The following CD96 variants were observed in gnomAD, a reference collection of about 807,000 sequenced individuals.
CD96 encodes the protein CD96 molecule, also known as T-cell surface protein tactile.
A neutral mutation model predicts 71.3 loss-of-function variants in CD96; 70 were observed. The observed-to-expected ratio is 0.98, with a 90% CI of 0.81 to 1.20. The LOEUF (loss-of-function observed/expected upper bound fraction) is 1.20, where lower values mean the gene tolerates loss of function less well. Among genes scored for constraint, CD96 ranks in the 50% most tolerant of loss-of-function variants. The pLI is 0.00. For synonymous variants in CD96, 248 were observed against 233.0 expected (o/e 1.06, Z -0.59); for missense variants, 742 against 677.5 (o/e 1.10, Z -1.06).
intron 2 of CD96, among the ~76,000 whole-genome samples, chr3:111,556,342 T>C (rs1443348563): frequency 7.5e-6 from 1 of 133,262 alleles, no homozygotes. Context: ...CTCCCAATGC[T>C]ATCCCTCCCC....
chr3:111,558,256 G>C (rs201232959), intron 2 of CD96, among the ~76,000 whole-genome samples: 2 of 83,464 alleles, frequency 2.4e-5, no homozygotes, highest in East Asian at 7.4e-4. Context: ...GAATAGGAGT[G>C]GTGAGAGAGG....
chr3:111,551,354 T>G (rs751603598), intron 2 of CD96, among the ~76,000 whole-genome samples: 6 of 152,134 alleles, frequency 3.9e-5, no homozygotes, highest in Non-Finnish European at 7.4e-5. Flanking sequence ...TGAAAGCACC[T>G]AGGTTATGTC....
intron 2 of CD96, among the ~76,000 whole-genome samples, chr3:111,555,455 A>T (rs1273274627): frequency 6.6e-6 from 1 of 152,302 alleles, no homozygotes; most frequent in African/African-American, 2.4e-5. Context: ...TTTAATTTTA[A>T]AGGATAATTT....
Position 111,579,117 on chromosome 3 carries a change from G to A in CD96, c.634G>A (p.Asp212Asn), listed in dbSNP as rs1936351527. 2 of 1,596,564 alleles carry A rather than the reference G, an allele frequency of 1.3e-6. No homozygotes were observed. The highest frequency in any genetic ancestry group is 1.7e-6 in the Non-Finnish European group (2 of 1,164,006). ...TAAAGATAGAGTCAAGCTTGGTACA[G>A]ACTACAGACTCCACCTCTCTCCAGT... ...LLKDRVKLGT[D>N]YRLHLSPVQI... is the part of the protein sequence containing the mutation. The change falls in exon 4 of 14, where the codon GAC becomes AAC. Residue 212 changes from aspartate to asparagine, a missense_variant. By Grantham distance (23) the Asp-to-Asn change is conservative. Coordinates refer to ENST00000352690, the MANE Select transcript of CD96 (RefSeq NM_005816.5).
In CD96 at chr3:111,658,306, C is replaced by T. The variant is rs146070708; in HGVS notation, c.*53-7221C>T. On this transcript the variant is annotated intron_variant and NMD_transcript_variant, in intron 14 of 14. Transcript: ENST00000494798. ...TGAGAAAAGCAGGAATTCATGAGTCCTTACCAGTAGTAAGTGATAGCTATA... is the reference window on the plus strand; with the variant it reads ...TGAGAAAAGCAGGAATTCATGAGTCTTTACCAGTAGTAAGTGATAGCTATA... 2.1e-3 allele frequency among the ~76,000 whole-genome samples: 313 copies of T among 152,128 alleles called. 2 individuals carry two copies. The highest frequency in any genetic ancestry group is 7.2e-3 in the African/African-American group (300 of 41,510).
At position 111,640,060 on chromosome 3, in the gene CD96, C is replaced by A. The variant is rs192433418; in HGVS notation, c.1477+1892C>A. 1.4e-3 allele frequency among the ~76,000 whole-genome samples: 211 copies of A among 152,272 alleles called. 1 individual carries two copies. The highest frequency in any genetic ancestry group is 4.8e-3 in the African/African-American group (199 of 41,556). On this transcript the variant is annotated intron_variant, in intron 12 of 13. Coordinates refer to ENST00000352690, the MANE Select transcript of CD96 (RefSeq NM_005816.5). ...CAGAAAACCAACCCTGGTAATATGA[C>A]AAAACAAGGCTCTTCAACACCCCCC...
chr3:111,662,940 A>C (rs1412994680), intron 14 of CD96, among the ~76,000 whole-genome samples: 1 of 152,218 alleles, frequency 6.6e-6, no homozygotes, highest in Non-Finnish European at 1.5e-5. Context: ...CTCTGGCACC[A>C]ATTTTCTGTA....
At chr3:111,604,953 C>A (rs1162938355) in intron 7 of CD96, among the ~76,000 whole-genome samples, 1 of 152,146 alleles carries the variant, frequency 6.6e-6, no homozygotes. Context: ...AGTTTGCCAA[C>A]CTCTATTTTA....
At chr3:111,550,533 G>A (rs192897016) in intron 2 of CD96, among the ~76,000 whole-genome samples, 125 of 151,822 alleles carry the variant, frequency 8.2e-4, no homozygotes, top group Non-Finnish European at 1.5e-3. Context: ...ATAAACCAAG[G>A]TTTCTAAGAA....
chr3:111,555,884 T>C (rs543663117), intron 2 of CD96, among the ~76,000 whole-genome samples: 1 of 151,276 alleles, frequency 6.6e-6, no homozygotes, highest in Non-Finnish European at 1.5e-5. Context: ...CTTTTTCTAC[T>C]ACTCCTGTTT....
chr3:111,652,495 A>T (rs962562672), downstream of CD96: 4 of 152,150 alleles, frequency 2.6e-5, no homozygotes, highest in African/African-American at 9.7e-5. Flanking sequence ...TTGTTTCACT[A>T]AAGGGAGAGA....
intron 2 of CD96, among the ~76,000 whole-genome samples, chr3:111,555,487 T>G (rs1203599967): frequency 6.6e-6 from 1 of 152,272 alleles, no homozygotes; most frequent in Non-Finnish European, 1.5e-5. Flanking sequence ...GAATTCAGAG[T>G]GGATTGTTTC....
chr3:111,585,697 G>T (rs1936682111), intron 5 of CD96, among the ~76,000 whole-genome samples: 1 of 152,208 alleles, frequency 6.6e-6, no homozygotes, highest in Admixed American at 6.5e-5. Context: ...GCAGAAAGCA[G>T]TGTGAGCCCT....
intron 13 of CD96, among the ~76,000 whole-genome samples, chr3:111,648,223 A>G: frequency 6.6e-6 from 1 of 152,212 alleles, no homozygotes; most frequent in Non-Finnish European, 1.5e-5. Flanking sequence ...CGGCAGTCTG[A>G]AATGGTACAT....
intron 2 of CD96, among the ~76,000 whole-genome samples, chr3:111,553,072 A>T (rs115722257): frequency 2.7e-3 from 402 of 151,666 alleles, no homozygotes; most frequent in African/African-American, 9.2e-3. Context: ...TTTAAAAGAT[A>T]AAGATGTCAT....
At chr3:111,577,651 G>GATTC in intron 3 of CD96, 1 of 833,056 alleles carries the variant, frequency 1.2e-6, no homozygotes, top group Non-Finnish European at 2.1e-6. Context: ...ATCCTAGCCA[G>GATTC]ATTCAGCTAA....
intron 3 of CD96, among the ~76,000 whole-genome samples, chr3:111,577,315 G>T (rs142304501): frequency 6.6e-6 from 1 of 152,088 alleles, no homozygotes; most frequent in East Asian, 1.9e-4. Context: ...GCTGCCAAAC[G>T]TACCTGTGCC....
intron 7 of CD96, among the ~76,000 whole-genome samples, chr3:111,604,097 G>A (rs1023405282): frequency 6.6e-6 from 1 of 152,106 alleles, no homozygotes; most frequent in Non-Finnish European, 1.5e-5. Context: ...GAGAAGAAAG[G>A]ACCTAGCAAG....
At position 111,560,055 on chromosome 3, in the gene CD96, T is replaced by G. The variant is rs1348695621; in HGVS notation, c.419-7468T>G. On this transcript the variant is annotated intron_variant, in intron 2 of 13. Coordinates refer to ENST00000352690, the MANE Select transcript of CD96 (RefSeq NM_005816.5). Reference sequence around the variant, plus strand: ...CCCCTGCCTTTTTTTGTTTTCCATTTGCTTGGTAGATCTTCCTCCATCCTT... The same window carrying G: ...CCCCTGCCTTTTTTTGTTTTCCATTGGCTTGGTAGATCTTCCTCCATCCTT... Among the ~76,000 whole-genome samples, 512 of 141,684 alleles carry G rather than the reference T, an allele frequency of 3.6e-3. 2 individuals are homozygous for G. The highest frequency in any genetic ancestry group is 0.012 in the African/African-American group (464 of 38,604). 93.0% of individuals were successfully genotyped at this position (141,684 alleles called of 152,430 possible). A position where few individuals can be genotyped will look rare whatever the true frequency, so the allele number is the denominator to read the frequency against.
Sources: allele counts gnomAD v4.1 joint callset (sites outside exome capture counted in the v4.1 genomes callset), GRCh38; gene constraint gnomAD v4.1.1; transcripts MANE v1.5; gene names NCBI Gene and HGNC (gene_info 2026-07-23, HGNC 2026-07-21).